Variants in FAM124B observed in about 807,000 individuals in gnomAD.
The protein encoded by FAM124B is protein FAM124B.
FAM124B carries 18 observed loss-of-function variants against 19.7 expected under a neutral mutation model. The ratio of observed to expected loss-of-function variants is 0.92; its 90% CI spans 0.63 to 1.36. FAM124B has a LOEUF of 1.36. FAM124B is among the 40% of genes most tolerant of loss of function. The pLI, the probability that FAM124B is intolerant of heterozygous loss-of-function variation, is 0.00. For synonymous variants in FAM124B, 223 were observed against 225.2 expected, an observed-to-expected ratio of 0.99 and a Z score of 0.09; for missense variants, 540 against 553.3, an observed-to-expected ratio of 0.98 and a Z score of 0.24.
intron 1 of FAM124B, among the ~76,000 whole-genome samples, chr2:224,392,349 T>C (rs1307325361): frequency 6.6e-6 from 1 of 152,018 alleles, no homozygotes; most frequent in African/African-American, 2.4e-5. Flanking sequence ...GAGGCTGAAA[T>C]GAGAAGATCA....
chr2:224,382,771 G>A (rs1286891699), intron 1 of FAM124B, among the ~76,000 whole-genome samples: 1 of 152,020 alleles, frequency 6.6e-6, no homozygotes, highest in Non-Finnish European at 1.5e-5. Flanking sequence ...TCTAATTAGC[G>A]CAGCCCTGGT....
At chr2:224,397,319 T>C (rs181204890) in intron 1 of FAM124B, among the ~76,000 whole-genome samples, 4 of 152,306 alleles carry the variant, frequency 2.6e-5, no homozygotes, top group Non-Finnish European at 5.9e-5. Flanking sequence ...CTTGCTCCTC[T>C]TTGCCTTCCG....
chr2:224,385,390 C>T (rs1689787536), intron 1 of FAM124B, among the ~76,000 whole-genome samples: 1 of 152,224 alleles, frequency 6.6e-6, no homozygotes, highest in Non-Finnish European at 1.5e-5. Context: ...ACCCCTTCTC[C>T]GTTTCCATTG....
At chr2:224,393,992 G>A (rs1053951737) in intron 1 of FAM124B, among the ~76,000 whole-genome samples, 1 of 152,132 alleles carries the variant, frequency 6.6e-6, no homozygotes, top group Non-Finnish European at 1.5e-5. Context: ...GCCCAGTGAG[G>A]AGACCAGGAC....
intron 1 of FAM124B, among the ~76,000 whole-genome samples, chr2:224,386,743 G>A (rs1476279801): frequency 6.6e-6 from 1 of 152,170 alleles, no homozygotes; most frequent in Non-Finnish European, 1.5e-5. Flanking sequence ...GCCTAGCACA[G>A]TGCCTAACAT....
rs558774234 is a variant in FAM124B, at chr2:224,401,787, T to G, written c.-19A>C. The G allele has an allele frequency of 6.3e-7, 1 of 1,596,828 alleles. No individual in the cohort carries two copies. The highest frequency in any genetic ancestry group is 1.7e-5 in the Admixed American group (1 of 57,846). On this transcript the variant is annotated 5_prime_UTR_variant, in exon 1 of 2. Coordinates refer to ENST00000409685, the MANE Select transcript of FAM124B (RefSeq NM_001122779.2). ...CATCCATGGAGGAACTGCCTGAGGC[T>G]GACAAAGACAGCGTGTGTAGAAGGC...
intron 1 of FAM124B, among the ~76,000 whole-genome samples, chr2:224,391,012 A>T (rs928772350): frequency 1.3e-5 from 2 of 149,792 alleles, no homozygotes; most frequent in Non-Finnish European, 3.0e-5. Context: ...CAACAAACTT[A>T]TTTTTAATTA....
At chr2:224,396,372 G>A (rs976608467) in intron 1 of FAM124B, among the ~76,000 whole-genome samples, 1 of 152,116 alleles carries the variant, frequency 6.6e-6, no homozygotes, top group Non-Finnish European at 1.5e-5. Context: ...CCCAGCTCAC[G>A]CAGATCTGGG....
At chr2:224,385,701 T>A (rs112726369) in intron 1 of FAM124B, among the ~76,000 whole-genome samples, 1 of 152,098 alleles carries the variant, frequency 6.6e-6, no homozygotes, top group Admixed American at 6.6e-5. Flanking sequence ...TCACACCAAG[T>A]CTGTTCTGCT....
rs746749968 is a variant in FAM124B, at chr2:224,401,231, T to C, written c.538A>G (p.Lys180Glu). Residue 180 changes from lysine (K) to glutamate (E), a missense_variant, in exon 1 of 2, where the codon AAG (lysine) becomes GAG (glutamate). Lys to Glu is a moderately conservative substitution (Grantham distance 56). Transcript: ENST00000409685. ...AGGGAGAGCTGCAGAGCAAAGCTCT[T>C]GGAGGCATAGAGCACGAAGAAACAA... ...NFCFFVLYAS[K>E]SFALQLSLKQ... 1 of 1,614,012 alleles carries C rather than the reference T, an allele frequency of 6.2e-7. No homozygotes were observed. The highest frequency in any genetic ancestry group is 1.1e-5 in the South Asian group (1 of 91,074).
intron 1 of FAM124B, among the ~76,000 whole-genome samples, chr2:224,380,492 A>C (rs1689698382): frequency 6.6e-6 from 1 of 152,228 alleles, no homozygotes; most frequent in African/African-American, 2.4e-5. Context: ...TGGTAGAGCA[A>C]GTTGTTCAAA....
chr2:224,397,486 T>C (rs1354983671), intron 1 of FAM124B, among the ~76,000 whole-genome samples: 2 of 152,162 alleles, frequency 1.3e-5, no homozygotes, highest in Non-Finnish European at 2.9e-5. Flanking sequence ...GCTGAACAGA[T>C]ACCTGAAAAT....
intron 1 of FAM124B, chr2:224,400,328 T>A (rs1690044326): frequency 1.7e-6 from 1 of 605,582 alleles, no homozygotes; most frequent in African/African-American, 1.8e-5. Context: ...GCCAACATAG[T>A]GAGACCCCGT....
At chr2:224,381,312 C>T (rs1689708894) in intron 1 of FAM124B, among the ~76,000 whole-genome samples, 1 of 152,006 alleles carries the variant, frequency 6.6e-6, no homozygotes, top group Non-Finnish European at 1.5e-5. Flanking sequence ...AAAACATCAG[C>T]CAGACGTGTG....
At position 224,401,450 on chromosome 2, in the gene FAM124B, A is replaced by G; in HGVS notation, c.319T>C (p.Cys107Arg). 6.2e-7 allele frequency: 1 copy of G among 1,614,118 alleles called. No homozygotes were observed. The highest frequency in any genetic ancestry group is 8.5e-7 in the Non-Finnish European group (1 of 1,180,012). ...YPTQDTRGRLCPYFFANQEFY... is the reference protein window; with the variant it reads ...YPTQDTRGRLRPYFFANQEFY... Reference sequence around the variant, plus strand: ...TCCTGATTGGCAAAAAAGTAGGGACACAGCCTTCCCCGAGTGTCCTGGGTG... The same window carrying G: ...TCCTGATTGGCAAAAAAGTAGGGACGCAGCCTTCCCCGAGTGTCCTGGGTG... Residue 107 changes from cysteine to arginine, a missense_variant, in exon 1 of 2, where the codon TGT (cysteine) becomes CGT (arginine). Cys to Arg is a radical substitution (Grantham distance 180). Coordinates refer to ENST00000409685, the MANE Select transcript of FAM124B (RefSeq NM_001122779.2).
chr2:224,388,693 T>G (rs1451747704), intron 1 of FAM124B, among the ~76,000 whole-genome samples: 1 of 152,226 alleles, frequency 6.6e-6, no homozygotes, highest in African/African-American at 2.4e-5. Flanking sequence ...AATCGTACCC[T>G]CGAAAAATAG....
chr2:224,394,864 T>G (rs1408214713), intron 1 of FAM124B, among the ~76,000 whole-genome samples: 2 of 152,210 alleles, frequency 1.3e-5, no homozygotes, highest in Admixed American at 6.5e-5. Flanking sequence ...TACAGTGCAT[T>G]TCCTGCAGGC....
intron 1 of FAM124B, among the ~76,000 whole-genome samples, chr2:224,398,026 C>T (rs1339250533): frequency 6.6e-6 from 1 of 152,154 alleles, no homozygotes; most frequent in Admixed American, 6.5e-5. Flanking sequence ...CTTCCCAAGC[C>T]ACGTGGAACT....
intron 1 of FAM124B, among the ~76,000 whole-genome samples, chr2:224,389,923 G>A (rs576293429): frequency 3.4e-3 from 510 of 152,128 alleles, no homozygotes; most frequent in African/African-American, 0.012. Flanking sequence ...ATTTTTGGTT[G>A]TCACAACTCG....
Sources: allele counts gnomAD v4.1 joint callset (sites outside exome capture counted in the v4.1 genomes callset), GRCh38; gene constraint gnomAD v4.1.1; transcripts MANE v1.5; gene names NCBI Gene and HGNC (gene_info 2026-07-23, HGNC 2026-07-21).